The following AVEN variants were observed in gnomAD, a reference collection of about 807,000 sequenced individuals.
AVEN encodes the protein apoptosis and caspase activation inhibitor.
In AVEN, 41 loss-of-function variants were observed where a neutral mutation model predicts 38.1. The ratio of observed to expected loss-of-function variants is 1.08; its 90% CI spans 0.84 to 1.40. The LOEUF (loss-of-function observed/expected upper bound fraction) is 1.40, where lower values mean the gene tolerates loss of function less well. Ranked by LOEUF, AVEN falls within the 40% of genes most tolerant of loss-of-function variation. The pLI, the probability that AVEN is intolerant of heterozygous loss-of-function variation, is 0.00. For missense variants in AVEN, 605 were observed against 438.8 expected (o/e 1.38, Z -3.38); for synonymous variants, 206 against 171.8 (o/e 1.20, Z -1.56).
At chr15:34,018,066 T>C (rs1334384685) in intron 1 of AVEN, among the ~76,000 whole-genome samples, 6 of 152,250 alleles carry the variant, frequency 3.9e-5, no homozygotes, top group African/African-American at 1.4e-4. Context: ...ATTTACTATA[T>C]TATACTTTTT....
intron 1 of AVEN, among the ~76,000 whole-genome samples, chr15:34,021,359 C>T (rs929766385): frequency 1.3e-5 from 2 of 151,680 alleles, no homozygotes; most frequent in Non-Finnish European, 2.9e-5. Context: ...CATCTTGGCT[C>T]ACCACAACCT....
chr15:33,937,178 A>C (rs1265265187), intron 2 of AVEN, among the ~76,000 whole-genome samples: 1 of 150,758 alleles, frequency 6.6e-6, no homozygotes, highest in Non-Finnish European at 1.5e-5. Context: ...TATCATTGTA[A>C]ATCAGTGGGA....
intron 4 of AVEN, among the ~76,000 whole-genome samples, chr15:33,870,308 C>A (rs185481190): frequency 6.6e-6 from 1 of 152,172 alleles, no homozygotes; most frequent in African/African-American, 2.4e-5. Flanking sequence ...GACTTACCCC[C>A]ACACATGCAC....
At chr15:33,870,005 G>A (rs1396582200) in intron 4 of AVEN, among the ~76,000 whole-genome samples, 1 of 151,868 alleles carries the variant, frequency 6.6e-6, no homozygotes, top group Non-Finnish European at 1.5e-5. Flanking sequence ...TTTCCACTTG[G>A]ATATCTCAGA....
intron 2 of AVEN, among the ~76,000 whole-genome samples, chr15:33,917,648 C>T (rs1199573964): frequency 2.6e-5 from 4 of 151,940 alleles, no homozygotes; most frequent in African/African-American, 9.7e-5. Flanking sequence ...TGGAATACTA[C>T]TCAGCCATAA....
chr15:34,073,300 C>T (rs1279830862), intron 1 of AVEN, among the ~76,000 whole-genome samples: 3 of 150,488 alleles, frequency 2.0e-5, no homozygotes, highest in African/African-American at 7.3e-5. Flanking sequence ...CGTGATCCTC[C>T]CTCCTCGGCC....
At chr15:33,867,915 A>G in intron 4 of AVEN, 60 bp from the exon 5 acceptor site, 1 of 1,511,970 alleles carries the variant, frequency 6.6e-7, no homozygotes, top group Non-Finnish European at 8.8e-7. Flanking sequence ...TGGCTTAAGT[A>G]AATACATAGG....
At chr15:34,059,675 G>A (rs527790964) in intron 5 of AVEN, among the ~76,000 whole-genome samples, 4 of 152,028 alleles carry the variant, frequency 2.6e-5, no homozygotes, top group Non-Finnish European at 5.9e-5. Context: ...TCCCTTCCCT[G>A]TCTGAAACAT....
intron 1 of AVEN, among the ~76,000 whole-genome samples, chr15:34,074,026 C>T (rs1171464501): frequency 1.8e-5 from 2 of 111,562 alleles, no homozygotes; most frequent in African/African-American, 4.1e-5. Flanking sequence ...GAGACACAGT[C>T]CTGCTCTGTC....
intron 5 of AVEN, among the ~76,000 whole-genome samples, chr15:34,050,079 G>T (rs1035172045): frequency 1.3e-5 from 2 of 151,696 alleles, no homozygotes; most frequent in Non-Finnish European, 2.9e-5. Flanking sequence ...GTAGAGATGG[G>T]GTTTCACCTT....
intron 2 of AVEN, among the ~76,000 whole-genome samples, chr15:33,900,700 A>T (rs1892459490): frequency 6.6e-6 from 1 of 152,170 alleles, no homozygotes; most frequent in Non-Finnish European, 1.5e-5. Context: ...TTTCAACCAT[A>T]CAATAATTAC....
At chr15:33,927,800 G>A (rs1309752962) in intron 2 of AVEN, among the ~76,000 whole-genome samples, 1 of 152,250 alleles carries the variant, frequency 6.6e-6, no homozygotes, top group Non-Finnish European at 1.5e-5. Context: ...CATGTAGGGT[G>A]GCTTTGGTGT....
chr15:33,929,165 A>G lies in AVEN; in HGVS notation c.446-53170T>C, dbSNP rs140504126. 3.3e-5 allele frequency among the ~76,000 whole-genome samples: 5 copies of G among 152,270 alleles called. No individual in the cohort carries two copies. The East Asian group carries it at 9.6e-4, about 29-fold the overall frequency. ...GGTGCCTGACCTAGAATACCAAACT[A>G]TGTTCAATATAAAATGTACGTGTTT... On this transcript the variant is annotated intron_variant, in intron 2 of 5. Coordinates refer to ENST00000306730, the MANE Select transcript of AVEN (RefSeq NM_020371.3).
Position 34,039,156 on chromosome 15 carries a change from T to G in AVEN, c.-110A>C. 1.1e-6 allele frequency: 1 copy of G among 922,342 alleles called. No individual in the cohort carries two copies. Among genetic ancestry groups the G allele is most frequent in the Non-Finnish European group, 1.3e-6 (1 of 762,634 alleles). 57.1% of individuals were successfully genotyped at this position (922,342 alleles called of 1,614,324 possible). A position where few individuals can be genotyped will look rare whatever the true frequency, so the allele number is the denominator to read the frequency against. On this transcript the variant is annotated 5_prime_UTR_variant, in exon 1 of 6. Coordinates refer to ENST00000306730, the MANE Select transcript of AVEN (RefSeq NM_020371.3). ...GGAGCCGCGAGCGAAAGGCGCCCGG[T>G]AGCAGCGAGGCGCGGGGTGCGGGGC...
chr15:33,855,743 T>C (rs1351813378), downstream of AVEN: 1 of 152,220 alleles, frequency 6.6e-6, no homozygotes, highest in Non-Finnish European at 1.5e-5. Flanking sequence ...ATACATTATA[T>C]AGTTAATACA....
chr15:33,923,474 G>A (rs604289), intron 2 of AVEN, among the ~76,000 whole-genome samples: 106,646 of 152,058 alleles, frequency 0.7, 37,577 homozygotes, highest in East Asian at 0.76. Context: ...GAGCTGAGAT[G>A]GGCAAACTTT....
rs1400429264 is a variant in AVEN, at chr15:33,964,498, C to T, written c.445+38534G>A. 2.0e-5 allele frequency among the ~76,000 whole-genome samples: 3 copies of T among 151,998 alleles called. No individual in the cohort carries two copies. The East Asian group carries it at 5.8e-4, about 29-fold the overall frequency. ...ATGCAATCTTTTTTTCTCCAACAAA[C>T]TGATGCCAAAAGAAAAAAAATGCAA... On this transcript the variant is annotated intron_variant, in intron 2 of 5. Transcript: ENST00000306730.
chr15:33,908,794 C>A (rs542262106), intron 2 of AVEN, among the ~76,000 whole-genome samples: 3 of 152,146 alleles, frequency 2.0e-5, no homozygotes, highest in East Asian at 1.9e-4. Context: ...TTTAAAAAGA[C>A]AAATAATTCA....
At chr15:33,865,245 C>T (rs368265588), downstream of AVEN, 150 of 1,547,206 alleles carry the variant, frequency 9.7e-5, 2 homozygotes, top group Middle Eastern at 2.4e-3. Context: ...CAAAGAAGCG[C>T]GACAATTCTG....
Sources: gnomAD v4.1 joint callset for allele counts (sites outside exome capture counted in the v4.1 genomes callset) on GRCh38, gnomAD v4.1.1 for gene constraint, MANE v1.5 for transcripts, NCBI Gene and HGNC (gene_info 2026-07-23, HGNC 2026-07-21) for gene names.